Variants in VTI1A observed in about 807,000 individuals in gnomAD.
The protein encoded by VTI1A is vesicle transport through interaction with t-SNAREs homolog 1A.
In VTI1A, 22 loss-of-function variants were observed where a neutral mutation model predicts 34.9. The observed-to-expected ratio is 0.63, with a 90% CI of 0.45 to 0.90. VTI1A has a LOEUF of 0.90. Ranked by LOEUF, VTI1A falls within the 40% of genes least tolerant of loss-of-function variation. The pLI is 0.00. For missense variants in VTI1A, 268 were observed against 275.6 expected (o/e 0.97, Z 0.20); for synonymous variants, 87 against 97.3 (o/e 0.89, Z 0.62).
chr10:112,585,793 G>A (rs11196006), intron 5 of VTI1A, among the ~76,000 whole-genome samples: 79,621 of 151,046 alleles, frequency 0.53, 21,524 homozygotes, highest in African/African-American at 0.61. Context: ...CTGTAATATA[G>A]CATTCTAGCA....
At chr10:112,804,841 T>G (rs1853011047) in intron 7 of VTI1A, among the ~76,000 whole-genome samples, 1 of 142,502 alleles carries the variant, frequency 7.0e-6, no homozygotes, top group Non-Finnish European at 1.5e-5. Context: ...CCGCCCTAGG[T>G]AGATTATAGA....
intron 7 of VTI1A, among the ~76,000 whole-genome samples, chr10:112,773,369 A>C (rs138027308): frequency 6.6e-6 from 1 of 152,100 alleles, no homozygotes; most frequent in South Asian, 2.1e-4. Flanking sequence ...CCTCTTCCCA[A>C]CTGTACCATC....
At chr10:112,636,921 T>C (rs1420068817) in intron 5 of VTI1A, among the ~76,000 whole-genome samples, 1 of 152,124 alleles carries the variant, frequency 6.6e-6, no homozygotes, top group Non-Finnish European at 1.5e-5. Context: ...AGATTCATTG[T>C]CATGGATATA....
At chr10:112,509,389 A>C (rs932472959) in intron 3 of VTI1A, among the ~76,000 whole-genome samples, 1 of 152,214 alleles carries the variant, frequency 6.6e-6, no homozygotes, top group Non-Finnish European at 1.5e-5. Flanking sequence ...AATTTAAAGG[A>C]GTGGTAGAAA....
chr10:112,575,435 C>T (rs1331406345), intron 5 of VTI1A, among the ~76,000 whole-genome samples: 1 of 152,322 alleles, frequency 6.6e-6, no homozygotes, highest in East Asian at 1.9e-4. Context: ...TATTTATCCT[C>T]TCTTTGCAAG....
intron 4 of VTI1A, among the ~76,000 whole-genome samples, chr10:112,534,014 A>G (rs1478824601): frequency 6.6e-6 from 1 of 152,096 alleles, no homozygotes; most frequent in Non-Finnish European, 1.5e-5. Flanking sequence ...GACACCATGG[A>G]TGTATTATCC....
At chr10:112,515,434 T>A (rs897549681) in intron 3 of VTI1A, among the ~76,000 whole-genome samples, 1 of 152,130 alleles carries the variant, frequency 6.6e-6, no homozygotes. Context: ...ACATCAACTT[T>A]GAATAGATCA....
intron 5 of VTI1A, among the ~76,000 whole-genome samples, chr10:112,570,083 A>G (rs1395308533): frequency 6.6e-6 from 1 of 152,204 alleles, no homozygotes; most frequent in Non-Finnish European, 1.5e-5. Flanking sequence ...GGCATCTCAT[A>G]CAATTATATG....
At chr10:112,463,050 G>A (rs979046187) in intron 2 of VTI1A, among the ~76,000 whole-genome samples, 3 of 151,948 alleles carry the variant, frequency 2.0e-5, no homozygotes, top group South Asian at 2.1e-4. Context: ...TCAGCCTCCC[G>A]AGTAGCTGGG....
chr10:112,602,537 A>G (rs1425694590), intron 5 of VTI1A, among the ~76,000 whole-genome samples: 1 of 152,244 alleles, frequency 6.6e-6, no homozygotes, highest in East Asian at 1.9e-4. Flanking sequence ...AATAGTTTTG[A>G]TGCCTTTTGA....
At chr10:112,493,829 G>A (rs561536154) in intron 3 of VTI1A, among the ~76,000 whole-genome samples, 9 of 152,134 alleles carry the variant, frequency 5.9e-5, no homozygotes, top group African/African-American at 2.4e-5. Flanking sequence ...TTGTAATAGT[G>A]TATAACCCTC....
chr10:112,499,309 A>G (rs540407109), intron 3 of VTI1A, among the ~76,000 whole-genome samples: 127 of 152,138 alleles, frequency 8.3e-4, no homozygotes, highest in African/African-American at 2.7e-3. Flanking sequence ...CCTTCTTGAA[A>G]CTAGCTTCCT....
intron 3 of VTI1A, among the ~76,000 whole-genome samples, chr10:112,471,979 T>C (rs982018654): frequency 6.6e-6 from 1 of 152,206 alleles, no homozygotes; most frequent in African/African-American, 2.4e-5. Context: ...AGTGGTGTGC[T>C]GGTATAAGGT....
At chr10:112,473,439 CATT>C (rs1166380200) in intron 3 of VTI1A, among the ~76,000 whole-genome samples, 2 of 151,966 alleles carry the variant, frequency 1.3e-5, no homozygotes, top group African/African-American at 4.8e-5. Context: ...AAGATTGTAA[CATT>C]AGTATTTTCC....
intron 5 of VTI1A, among the ~76,000 whole-genome samples, chr10:112,592,565 A>G (rs934126046): frequency 1.3e-5 from 2 of 152,154 alleles, no homozygotes; most frequent in Admixed American, 1.3e-4. Flanking sequence ...ATTTGCATTC[A>G]TCTCTCCCTG....
At chr10:112,829,787 A>C in the VTI1A span, among the ~76,000 whole-genome samples, 10 of 152,330 alleles carry the variant, frequency 6.6e-5, no homozygotes, top group Admixed American at 2.0e-4. Flanking sequence ...ATTGATTGAG[A>C]AAATGGAGAC....
intron 3 of VTI1A, among the ~76,000 whole-genome samples, chr10:112,466,716 A>T (rs924143508): frequency 6.6e-6 from 1 of 152,118 alleles, no homozygotes; most frequent in Admixed American, 6.6e-5. Flanking sequence ...TTTTCTGAAG[A>T]TTTTTCTTAT....
chr10:112,513,521 C>T (rs1213621469), intron 3 of VTI1A, among the ~76,000 whole-genome samples: 1 of 151,878 alleles, frequency 6.6e-6, no homozygotes, highest in East Asian at 1.9e-4. Flanking sequence ...GTTAGGATTC[C>T]TTTAATTGTT....
At position 112,460,919 on chromosome 10, in the gene VTI1A, A is replaced by G. The variant is rs114670391; in HGVS notation, c.153+337A>G. On this transcript the variant is annotated intron_variant, in intron 2 of 7. Transcript: ENST00000393077. ...TGCTTTATAATATTTAATTTTCTCA[A>G]TAACCATGTGAGACAATATTATTTG... Among the ~76,000 whole-genome samples the G allele has an allele frequency of 6.9e-3, 1,057 of 152,350 alleles. 14 individuals carry two copies. The highest frequency in any genetic ancestry group is 0.025 in the African/African-American group (1,028 of 41,566).
Sources: gnomAD v4.1 joint callset for allele counts (sites outside exome capture counted in the v4.1 genomes callset) on GRCh38, gnomAD v4.1.1 for gene constraint, MANE v1.5 for transcripts, NCBI Gene and HGNC (gene_info 2026-07-23, HGNC 2026-07-21) for gene names.